The following PRKCB variants were observed in gnomAD, a reference collection of about 807,000 sequenced individuals.
PRKCB encodes protein kinase C beta.
A neutral mutation model predicts 81.5 loss-of-function variants in PRKCB; 13 were observed. That is an observed-to-expected ratio of 0.16 (90% CI 0.10 to 0.25). PRKCB has a LOEUF of 0.25. Ranked by LOEUF, PRKCB falls within the 10% of genes least tolerant of loss-of-function variation. The probability of loss-of-function intolerance (pLI) is 1.00; values close to 1 mark genes in which losing one functional copy is unlikely to be tolerated. For missense variants in PRKCB, 509 were observed against 875.7 expected (o/e 0.58, Z 5.29); for synonymous variants, 335 against 321.4 (o/e 1.04, Z -0.45).
chr16:24,077,656 A>T (rs2141889878), intron 5 of PRKCB, among the ~76,000 whole-genome samples: 1 of 152,304 alleles, frequency 6.6e-6, no homozygotes, highest in African/African-American at 2.4e-5. Flanking sequence ...CTTCTGTGTG[A>T]CTGAGGATGT....
intron 5 of PRKCB, among the ~76,000 whole-genome samples, chr16:24,063,310 T>G (rs1300022881): frequency 8.6e-5 from 13 of 151,976 alleles, no homozygotes; most frequent in African/African-American, 3.1e-4. Context: ...TTTTTTTTTT[T>G]TTGAGATGGA....
intron 2 of PRKCB, among the ~76,000 whole-genome samples, chr16:23,898,136 G>T (rs1210022512): frequency 6.6e-6 from 1 of 151,586 alleles, no homozygotes; most frequent in African/African-American, 2.4e-5. Context: ...TGCGATCTCG[G>T]TTCACTGCAA....
intron 2 of PRKCB, among the ~76,000 whole-genome samples, chr16:23,862,251 G>GT (rs1185970679): frequency 4.6e-5 from 7 of 152,200 alleles, no homozygotes; most frequent in African/African-American, 1.7e-4. Flanking sequence ...TGTCAGTTCT[G>GT]TTTTTTATTT....
At chr16:24,021,210 CTTTCTT>C (rs1965386436) in intron 3 of PRKCB, among the ~76,000 whole-genome samples, 1 of 21,792 alleles carries the variant, frequency 4.6e-5, no homozygotes, top group East Asian at 3.1e-3. Flanking sequence ...TTCTTTCTTT[CTTTCTT>C]TCTTTCTTTC....
At chr16:24,129,043 G>C (rs1420524760) in intron 9 of PRKCB, among the ~76,000 whole-genome samples, 1 of 152,132 alleles carries the variant, frequency 6.6e-6, no homozygotes, top group African/African-American at 2.4e-5. Context: ...CACAGCACAA[G>C]GATAACTCTT....
intron 3 of PRKCB, among the ~76,000 whole-genome samples, chr16:23,995,622 G>A (rs1306898693): frequency 3.3e-5 from 5 of 152,172 alleles, no homozygotes; most frequent in Non-Finnish European, 4.4e-5. Context: ...CTAAACCACC[G>A]AGCCATAAAG....
rs369345275 is a variant in PRKCB, at chr16:24,214,681, C to T, written c.1887C>T (p.Phe629=). ...AGTGTGGGCGAAATGCTGAAAACTTCGACCGATTTTTCACCCGCCATCCAC... is the reference window on the plus strand; with the variant it reads ...AGTGTGGGCGAAATGCTGAAAACTTTGACCGATTTTTCACCCGCCATCCAC... ...PKACGRNAEN[F]DRFFTRHPPV... Residue 629 remains phenylalanine, a synonymous_variant, in exon 17 of 17, where the codon TTC becomes TTT. Transcript: ENST00000643927. 7 of 1,613,970 alleles carry T rather than the reference C, an allele frequency of 4.3e-6. No individual in the cohort carries two copies. In the Admixed American group the frequency reaches 5.0e-5, roughly 12 times the overall value.
chr16:24,184,454 C>CAA (rs61013539), intron 13 of PRKCB, among the ~76,000 whole-genome samples: 2 of 130,346 alleles, frequency 1.5e-5, no homozygotes, highest in Non-Finnish European at 3.3e-5. Context: ...GACACTATCT[C>CAA]AAAAAAAAAA....
At chr16:24,044,343 T>C (rs544112487) in intron 5 of PRKCB, among the ~76,000 whole-genome samples, 57 of 152,170 alleles carry the variant, frequency 3.7e-4, no homozygotes, top group African/African-American at 1.3e-3. Flanking sequence ...GCCTGGGTGA[T>C]AGAGTAAGAC....
At chr16:24,158,583 T>A (rs1200561120) in intron 10 of PRKCB, among the ~76,000 whole-genome samples, 1 of 151,880 alleles carries the variant, frequency 6.6e-6, no homozygotes, top group East Asian at 1.9e-4. Context: ...TATATGTATA[T>A]GTATATGTAT....
intron 5 of PRKCB, among the ~76,000 whole-genome samples, chr16:24,066,618 G>A (rs932712596): frequency 3.3e-5 from 5 of 151,686 alleles, no homozygotes; most frequent in African/African-American, 1.2e-4. Flanking sequence ...AACTTTATTT[G>A]GATTTTCCTT....
intron 11 of PRKCB, 142 bp from the exon 12 acceptor site, chr16:24,174,376 C>T: frequency 2.8e-6 from 2 of 711,752 alleles, no homozygotes; most frequent in South Asian, 2.0e-5. Context: ...GTACTTTCAG[C>T]ACTTTATGAG....
intron 8 of PRKCB, among the ~76,000 whole-genome samples, chr16:24,116,591 A>G (rs1011947808): frequency 6.6e-6 from 1 of 152,162 alleles, no homozygotes; most frequent in African/African-American, 2.4e-5. Flanking sequence ...AGTGACCTTG[A>G]TAACAGAGGC....
rs1555498212 is a variant in PRKCB at position 24,122,468 on chromosome 16, T to TTTTTTTTTTTC, written c.919-1367_919-1366insTTTTTTTTTTC. Among the ~76,000 whole-genome samples the TTTTTTTTTTTC allele has an allele frequency of 1.0e-3, 145 of 138,982 alleles. 15 individuals carry two copies. The highest frequency in any genetic ancestry group is 4.5e-3 in the African/African-American group (138 of 30,344). The allele number at this position is 138,982 out of a possible 152,430, so 91.2% of individuals were successfully genotyped here. ...ACGAGGCTTTTTTTTTTTTTTTTTT[T>TTTTTTTTTTTC]AGTGAGAGAGAGATGGGATCTCACT... is the stretch of plus-strand genomic sequence containing the variant. On this transcript the variant is annotated intron_variant, in intron 8 of 16. Coordinates refer to ENST00000643927, the MANE Select transcript of PRKCB (RefSeq NM_002738.7).
intron 15 of PRKCB, among the ~76,000 whole-genome samples, chr16:24,186,592 G>A (rs560316279): frequency 6.6e-6 from 1 of 152,358 alleles, no homozygotes; most frequent in Admixed American, 6.5e-5. Context: ...AACCAGGGCT[G>A]CCAGTCCTAG....
rs1212371548 is a variant in PRKCB, at chr16:24,087,723, CAATT to C, written c.530-5065_530-5062del. 5.9e-5 allele frequency among the ~76,000 whole-genome samples: 9 copies of C among 152,290 alleles called. No homozygotes were observed. In the East Asian group the frequency reaches 1.7e-3, roughly 29 times the overall value. ...ATTGTATCTTCTTAGAAAGAAAAAACAATTAAGGAACTTCTTGGTGAAGAACAAT... is the reference window on the plus strand; with the variant it reads ...ATTGTATCTTCTTAGAAAGAAAAAACAAGGAACTTCTTGGTGAAGAACAAT... On this transcript the variant is annotated intron_variant, in intron 5 of 16. Transcript: ENST00000643927.
chr16:24,029,662 A>G (rs1288361364), intron 3 of PRKCB, among the ~76,000 whole-genome samples: 1 of 125,408 alleles, frequency 8.0e-6, no homozygotes, highest in Non-Finnish European at 1.7e-5. Context: ...AGCACTCATC[A>G]CATTAACAGC....
At chr16:23,985,119 T>G (rs1280913890) in intron 2 of PRKCB, among the ~76,000 whole-genome samples, 3 of 152,064 alleles carry the variant, frequency 2.0e-5, no homozygotes, top group African/African-American at 7.2e-5. Context: ...TGAGATGGAG[T>G]CTCGCTCTGT....
At chr16:23,859,899 AAG>A (rs1962635048) in intron 2 of PRKCB, among the ~76,000 whole-genome samples, 1 of 114,826 alleles carries the variant, frequency 8.7e-6, no homozygotes, top group African/African-American at 3.2e-5. Flanking sequence ...GAGAGAGAGA[AAG>A]AGAGAGAGCG....
Sources: allele counts gnomAD v4.1 joint callset (sites outside exome capture counted in the v4.1 genomes callset), GRCh38; gene constraint gnomAD v4.1.1; transcripts MANE v1.5; gene names NCBI Gene and HGNC (gene_info 2026-07-23, HGNC 2026-07-21).